Variants in OPHN1 observed in about 807,000 individuals in gnomAD.
OPHN1 encodes oligophrenin 1.
OPHN1 carries 11 observed loss-of-function variants against 60.7 expected under a neutral mutation model. That is an observed-to-expected ratio of 0.18 (90% confidence interval 0.11 to 0.30). The LOEUF is 0.30. OPHN1 is among the 10% of genes least tolerant of loss of function. The pLI is 1.00. For missense variants in OPHN1, 449 were observed against 611.0 expected (o/e 0.73, Z 2.80); for synonymous variants, 226 against 222.6 (o/e 1.02, Z -0.14).
At chrX:68,186,726 G>A (rs1019411533) in intron 15 of OPHN1, among the ~76,000 whole-genome samples, 3 of 111,657 alleles carry the variant, frequency 2.7e-5, no homozygotes, top group African/African-American at 9.8e-5. Context: ...AGATAAGGGT[G>A]CCAGTATGGT....
intron 2 of OPHN1, among the ~76,000 whole-genome samples, chrX:68,312,991 C>T (rs2078181174): frequency 9.0e-6 from 1 of 111,028 alleles, no homozygotes; most frequent in Non-Finnish European, 1.9e-5. Flanking sequence ...GTAGTCCCAG[C>T]TACTTGGGAG....
chrX:68,191,316 G>A (rs1404066445), intron 15 of OPHN1, among the ~76,000 whole-genome samples: 3 of 111,575 alleles, frequency 2.7e-5, no homozygotes, highest in Non-Finnish European at 5.6e-5. Context: ...ACCCGAGCAT[G>A]CTATATAAAG....
In OPHN1 at chrX:68,195,047, GAAGGAAGGAAGGAAGGAAGA is replaced by G. The variant is rs1303392200; in HGVS notation, c.1105-569_1105-550del. Among the ~76,000 whole-genome samples, 61 of 103,691 alleles carry G rather than the reference GAAGGAAGGAAGGAAGGAAGA, an allele frequency of 5.9e-4. 1 individual carries two copies. Among genetic ancestry groups the G allele is most frequent in the African/African-American group, 2.0e-3 (55 of 26,937 alleles). The allele number at this position is 103,691 out of a possible 115,157, so 90.0% of individuals were successfully genotyped here. On this transcript the variant is annotated intron_variant, in intron 12 of 24. Transcript: ENST00000355520. ...GGAAGGAAGGAAGGAAGGAAGGAAG[GAAGGAAGGAAGGAAGGAAGA>G]AAGAAAGAAAATACTTGAACAATCC...
chrX:68,375,717 A>ATT (rs5902625), intron 2 of OPHN1, among the ~76,000 whole-genome samples: 2 of 107,869 alleles, frequency 1.9e-5, no homozygotes, highest in African/African-American at 6.9e-5. Context: ...CACCCAACTA[A>ATT]TTTTTTTTTA....
chrX:68,280,651 C>CAG (rs2078015339), intron 4 of OPHN1, among the ~76,000 whole-genome samples: 2 of 111,533 alleles, frequency 1.8e-5, no homozygotes, highest in African/African-American at 6.5e-5. Flanking sequence ...ACAGAATTCC[C>CAG]ATCTTACCAT....
chrX:68,373,970 A>C (rs1179283763), intron 2 of OPHN1, among the ~76,000 whole-genome samples: 2 of 111,833 alleles, frequency 1.8e-5, no homozygotes, highest in African/African-American at 6.5e-5. Context: ...TACATAACAA[A>C]TCTAAATATA....
chrX:68,392,527 A>G (rs780281768), intron 2 of OPHN1, among the ~76,000 whole-genome samples: 27 of 109,987 alleles, frequency 2.5e-4, no homozygotes, highest in Non-Finnish European at 5.1e-4. Flanking sequence ...TGGATGGAAG[A>G]GAGTGGTTCC....
At chrX:68,116,875 G>A (rs2077129331) in intron 16 of OPHN1, among the ~76,000 whole-genome samples, 1 of 110,918 alleles carries the variant, frequency 9.0e-6, no homozygotes, top group South Asian at 3.9e-4. Context: ...TCTTGAATAT[G>A]CTTACTTCTA....
chrX:68,211,212 G>T (rs2077583013), intron 8 of OPHN1, among the ~76,000 whole-genome samples: 1 of 16,995 alleles, frequency 5.9e-5, no homozygotes, highest in African/African-American at 1.3e-4. Context: ...ACCAAGGGGG[G>T]CTTATTTTTC....
At chrX:68,369,559 A>G (rs1161672208) in intron 2 of OPHN1, among the ~76,000 whole-genome samples, 1 of 111,002 alleles carries the variant, frequency 9.0e-6, no homozygotes, top group African/African-American at 3.3e-5. Context: ...GACTTCAAAA[A>G]CACTGCCTTA....
intron 2 of OPHN1, among the ~76,000 whole-genome samples, chrX:68,310,900 A>C (rs1025654498): frequency 1.8e-5 from 2 of 111,641 alleles, no homozygotes; most frequent in Non-Finnish European, 3.8e-5. Flanking sequence ...TATAAAAGAA[A>C]AAATAGAAGA....
chrX:68,222,062 G>C (rs2077662544), intron 6 of OPHN1, among the ~76,000 whole-genome samples: 1 of 107,389 alleles, frequency 9.3e-6, no homozygotes, highest in Non-Finnish European at 1.9e-5. Flanking sequence ...AATCTACAAT[G>C]AACTCAAACA....
intron 21 of OPHN1, among the ~76,000 whole-genome samples, chrX:68,062,546 T>A (rs1300297232): frequency 8.9e-6 from 1 of 112,428 alleles, no homozygotes; most frequent in African/African-American, 3.2e-5. Context: ...CAGGCCATAG[T>A]CTGCCAAGCC....
chrX:68,047,337 G>T (rs2076835490), intron 24 of OPHN1, among the ~76,000 whole-genome samples, 174 bp from the exon 25 acceptor site: 1 of 111,285 alleles, frequency 9.0e-6, no homozygotes. Context: ...CATGAAACAG[G>T]CCTAAGATGG....
At chrX:68,189,361 A>AT (rs1267486423) in intron 15 of OPHN1, among the ~76,000 whole-genome samples, 9 of 109,310 alleles carry the variant, frequency 8.2e-5, no homozygotes, top group Admixed American at 9.7e-5. Flanking sequence ...CTTTTTTTTA[A>AT]TTTTTTTTTT....
intron 15 of OPHN1, among the ~76,000 whole-genome samples, chrX:68,180,610 G>A (rs1208537956): frequency 8.9e-6 from 1 of 111,772 alleles, no homozygotes; most frequent in Admixed American, 9.5e-5. Flanking sequence ...GAAACTAAGT[G>A]TGCCATGAAC....
chrX:68,370,033 T>TAC, intron 2 of OPHN1, among the ~76,000 whole-genome samples: 1 of 93,992 alleles, frequency 1.1e-5, no homozygotes, highest in South Asian at 5.1e-4. Context: ...TATATATATA[T>TAC]ATATATATAT....
intron 2 of OPHN1, among the ~76,000 whole-genome samples, chrX:68,430,169 CTT>C (rs1030044685): frequency 1.8e-5 from 2 of 112,382 alleles, no homozygotes; most frequent in African/African-American, 6.5e-5. Flanking sequence ...AAGAACATAA[CTT>C]TGTTTTGCTT....
intron 2 of OPHN1, among the ~76,000 whole-genome samples, chrX:68,382,824 T>C (rs1161263121): frequency 1.8e-5 from 2 of 111,561 alleles, no homozygotes; most frequent in African/African-American, 6.5e-5. Flanking sequence ...AAAGAATAGA[T>C]CTTGTATCTA....
Sources: gnomAD v4.1 joint callset for allele counts (sites outside exome capture counted in the v4.1 genomes callset) on GRCh38, gnomAD v4.1.1 for gene constraint, MANE v1.5 for transcripts, NCBI Gene and HGNC (gene_info 2026-07-23, HGNC 2026-07-21) for gene names.